The following ATRNL1 variants were observed in gnomAD, a reference collection of about 807,000 sequenced individuals.
ATRNL1 encodes the protein attractin like 1.
Under a neutral mutation model 182.7 loss-of-function variants are expected in ATRNL1, and 95 were observed. The ratio of observed to expected loss-of-function variants is 0.52; its 90% CI spans 0.44 to 0.62. The LOEUF (loss-of-function observed/expected upper bound fraction) is 0.62. ATRNL1 is among the 20% of genes least tolerant of loss of function. ATRNL1 has a pLI of 0.00. For synonymous variants in ATRNL1, 576 were observed against 568.3 expected, an observed-to-expected ratio of 1.01 and a Z score of -0.19; for missense variants, 1,471 against 1,679.5, an observed-to-expected ratio of 0.88 and a Z score of 2.17.
chr10:115,624,450 G>A (rs1857966691), intron 26 of ATRNL1, among the ~76,000 whole-genome samples: 2 of 151,830 alleles, frequency 1.3e-5, no homozygotes, highest in Non-Finnish European at 2.9e-5. Flanking sequence ...TAACATTATT[G>A]GAATGACATA....
At chr10:115,437,531 C>T (rs1204857476) in intron 21 of ATRNL1, among the ~76,000 whole-genome samples, 1 of 151,952 alleles carries the variant, frequency 6.6e-6, no homozygotes, top group South Asian at 2.1e-4. Context: ...CTTTTATTCA[C>T]ATGGGTTTTT....
chr10:115,797,219 A>T (rs1370486070), intron 27 of ATRNL1, among the ~76,000 whole-genome samples: 1 of 152,166 alleles, frequency 6.6e-6, no homozygotes, highest in African/African-American at 2.4e-5. Context: ...CCAGCAACAT[A>T]ATTTGTGGGG....
intron 28 of ATRNL1, among the ~76,000 whole-genome samples, chr10:115,854,462 A>AT (rs782647971): frequency 8.5e-5 from 13 of 152,182 alleles, no homozygotes; most frequent in Non-Finnish European, 1.9e-4. Context: ...GCCTACAGGC[A>AT]TTCCCCCAGG....
intron 24 of ATRNL1, among the ~76,000 whole-genome samples, chr10:115,485,952 G>T (rs1192964943): frequency 1.4e-5 from 2 of 141,662 alleles, no homozygotes; most frequent in African/African-American, 5.4e-5. Flanking sequence ...CTGTCAATGT[G>T]TTCTCACTGT....
intron 19 of ATRNL1, among the ~76,000 whole-genome samples, chr10:115,345,586 G>A (rs1855940806): frequency 1.3e-5 from 2 of 152,106 alleles, no homozygotes; most frequent in African/African-American, 4.8e-5. Context: ...CTGATTTTTG[G>A]TTTTATGAAG....
chr10:115,364,950 A>G (rs1554945446), intron 19 of ATRNL1, among the ~76,000 whole-genome samples: 1 of 151,410 alleles, frequency 6.6e-6, no homozygotes, highest in African/African-American at 2.4e-5. Flanking sequence ...TTTTGCATCA[A>G]GGTTCATCAA....
chr10:115,186,354 G>A (rs1554888744), intron 8 of ATRNL1, among the ~76,000 whole-genome samples: 1 of 151,960 alleles, frequency 6.6e-6, no homozygotes, highest in African/African-American at 2.4e-5. Flanking sequence ...CAATCACATT[G>A]CTAGATACAT....
At chr10:115,612,617 G>A (rs967905974) in intron 26 of ATRNL1, among the ~76,000 whole-genome samples, 14 of 152,218 alleles carry the variant, frequency 9.2e-5, no homozygotes, top group African/African-American at 3.4e-4. Context: ...GAGACAGTAT[G>A]TCAGGCAAGT....
chr10:115,190,839 AC>A (rs1564808728), intron 8 of ATRNL1, among the ~76,000 whole-genome samples: 1 of 152,062 alleles, frequency 6.6e-6, no homozygotes, highest in Admixed American at 6.6e-5. Flanking sequence ...GTATTTTTGT[AC>A]CCATTAACCA....
chr10:115,473,856 G>C lies in ATRNL1; in HGVS notation c.3654+4527G>C, dbSNP rs78014001. On this transcript the variant is annotated intron_variant, in intron 24 of 28. Transcript: ENST00000355044. ...CTTTTCTAAGTTATTTAATTTGTTG[G>C]CATACAATTCCCCACAGTCATTTCT... is the stretch of plus-strand genomic sequence containing the variant. 5.3e-3 allele frequency among the ~76,000 whole-genome samples: 795 copies of C among 151,182 alleles called. 3 individuals are homozygous for C. The highest frequency in any genetic ancestry group is 9.8e-3 in the Non-Finnish European group (664 of 67,462).
At chr10:115,479,054 A>G (rs1295922137) in intron 24 of ATRNL1, among the ~76,000 whole-genome samples, 1 of 151,580 alleles carries the variant, frequency 6.6e-6, no homozygotes, top group South Asian at 2.1e-4. Flanking sequence ...TTTAAAAGGC[A>G]GGTTTTATCT....
At chr10:115,774,786 A>T (rs983893857) in intron 27 of ATRNL1, among the ~76,000 whole-genome samples, 1 of 149,952 alleles carries the variant, frequency 6.7e-6, no homozygotes, top group Non-Finnish European at 1.5e-5. Flanking sequence ...ATTTTGTCTT[A>T]TTTTTTTTTC....
At chr10:115,459,485 A>C (rs1325033572) in intron 21 of ATRNL1, among the ~76,000 whole-genome samples, 1 of 152,126 alleles carries the variant, frequency 6.6e-6, no homozygotes, top group East Asian at 1.9e-4. Flanking sequence ...TTGAGATTGC[A>C]GAGGTGAAAT....
At chr10:115,202,538 T>A (rs1201550892) in intron 8 of ATRNL1, among the ~76,000 whole-genome samples, 1 of 152,206 alleles carries the variant, frequency 6.6e-6, no homozygotes, top group African/African-American at 2.4e-5. Context: ...TTACATTTAT[T>A]GATTTGCATA....
chr10:115,871,761 A>G (rs960967729), intron 28 of ATRNL1, among the ~76,000 whole-genome samples: 3 of 152,154 alleles, frequency 2.0e-5, no homozygotes, highest in Non-Finnish European at 4.4e-5. Flanking sequence ...CAACTAAATA[A>G]TAATAAACAC....
At chr10:115,906,833 A>T (rs559649771) in intron 28 of ATRNL1, among the ~76,000 whole-genome samples, 1 of 152,268 alleles carries the variant, frequency 6.6e-6, no homozygotes, top group Non-Finnish European at 1.5e-5. Context: ...TTTAAAAAAA[A>T]ATCAGAAACC....
intron 19 of ATRNL1, among the ~76,000 whole-genome samples, chr10:115,380,852 G>A (rs2134230664): frequency 6.6e-6 from 1 of 152,070 alleles, no homozygotes; most frequent in African/African-American, 2.4e-5. Context: ...TGAACATTCC[G>A]TGTATGTTTT....
chr10:115,151,204 C>T (rs1472152630), intron 5 of ATRNL1, among the ~76,000 whole-genome samples: 2 of 152,078 alleles, frequency 1.3e-5, no homozygotes, highest in African/African-American at 4.8e-5. Flanking sequence ...GTCTTTATAG[C>T]AGCATGATTT....
chr10:115,697,667 TA>T (rs1946607576), intron 26 of ATRNL1, among the ~76,000 whole-genome samples: 1 of 151,858 alleles, frequency 6.6e-6, no homozygotes, highest in Non-Finnish European at 1.5e-5. Context: ...GTTACATATA[TA>T]ATTCTATTAT....
Sources: allele counts gnomAD v4.1 joint callset (sites outside exome capture counted in the v4.1 genomes callset), GRCh38; gene constraint gnomAD v4.1.1; transcripts MANE v1.5; gene names NCBI Gene and HGNC (gene_info 2026-07-23, HGNC 2026-07-21).